Variants in NBAS observed in about 807,000 individuals in gnomAD.
NBAS encodes NBAS subunit of NRZ tethering complex, also known as NAG/BC035112 fusion.
NBAS carries 219 observed loss-of-function variants against 302.5 expected under a neutral mutation model. That is an observed-to-expected ratio of 0.72 (90% CI 0.65 to 0.81). The LOEUF is 0.81. Ranked by LOEUF, NBAS falls within the 30% of genes least tolerant of loss-of-function variation. NBAS has a pLI of 0.00. For missense variants in NBAS, 2,932 were observed against 2,841.6 expected, an observed-to-expected ratio of 1.03 and a Z score of -0.72; for synonymous variants, 1,118 against 1,021.6, an observed-to-expected ratio of 1.09 and a Z score of -1.80.
intron 44 of NBAS, among the ~76,000 whole-genome samples, chr2:15,259,400 C>T (rs1668752021): frequency 6.6e-6 from 1 of 152,148 alleles, no homozygotes; most frequent in Non-Finnish European, 1.5e-5. Context: ...ACTCCAGTCC[C>T]CGTCAAAATG....
the NBAS span, among the ~76,000 whole-genome samples, chr2:14,812,112 C>A: frequency 3.3e-5 from 5 of 152,180 alleles, no homozygotes; most frequent in Non-Finnish European, 7.3e-5. Flanking sequence ...ACATAGCTGG[C>A]AGTTGGTACT....
chr2:15,544,386 G>C (rs1424771259), intron 6 of NBAS, among the ~76,000 whole-genome samples: 1 of 152,020 alleles, frequency 6.6e-6, no homozygotes, highest in Admixed American at 6.6e-5. Context: ...AGGCGGGAAA[G>C]AGGGAAGCAG....
the NBAS span, among the ~76,000 whole-genome samples, chr2:15,054,421 A>T: frequency 1.3e-5 from 2 of 152,206 alleles, no homozygotes; most frequent in African/African-American, 4.8e-5. Context: ...GGTGATCACA[A>T]CTGCCCACTT....
intron 9 of NBAS, among the ~76,000 whole-genome samples, chr2:15,518,609 T>A (rs552669921): frequency 2.0e-5 from 3 of 152,170 alleles, no homozygotes; most frequent in East Asian, 3.9e-4. Context: ...AAACTTTACT[T>A]CCCCTTAACA....
At chr2:15,131,141 C>T in the NBAS span, among the ~76,000 whole-genome samples, 1 of 152,176 alleles carries the variant, frequency 6.6e-6, no homozygotes, top group Non-Finnish European at 1.5e-5. Flanking sequence ...ATTCACAACT[C>T]TGTGTCAGTG....
chr2:15,417,482 A>T (rs376187883), intron 24 of NBAS, 45 bp downstream of exon 24: 2 of 1,527,316 alleles, frequency 1.3e-6, no homozygotes, highest in Non-Finnish European at 1.8e-6. Flanking sequence ...AAGTGCATAG[A>T]AAATGCTTTA....
At chr2:15,432,223 G>C (rs1677799549) in intron 21 of NBAS, among the ~76,000 whole-genome samples, 1 of 148,790 alleles carries the variant, frequency 6.7e-6, no homozygotes, top group African/African-American at 2.5e-5. Flanking sequence ...CATCTTATTT[G>C]TCTATTTTTC....
At chr2:15,360,881 T>C (rs1673883046) in intron 32 of NBAS, among the ~76,000 whole-genome samples, 2 of 152,134 alleles carry the variant, frequency 1.3e-5, no homozygotes, top group Non-Finnish European at 2.9e-5. Context: ...GAGGCTATTT[T>C]AAAGTTAACT....
chr2:15,127,213 T>C, the NBAS span, among the ~76,000 whole-genome samples: 1 of 152,218 alleles, frequency 6.6e-6, no homozygotes, highest in South Asian at 2.1e-4. Flanking sequence ...ATGGCCTTGC[T>C]CACCCAAGTT....
rs554551011 is a variant in NBAS at position 15,443,989 on chromosome 2, C to G, written c.2340-16195G>C. Among the ~76,000 whole-genome samples, 5 of 151,572 alleles carry G rather than the reference C, an allele frequency of 3.3e-5. No individual in the cohort carries two copies. The South Asian group carries it at 8.4e-4, about 25-fold the overall frequency. ...TCAAGGAGAACTACAAACCACTGCT[C>G]AATGAAATAAAAGAGGATACAAACA... On this transcript the variant is annotated intron_variant, in intron 21 of 51. Transcript: ENST00000281513.
chr2:15,021,868 G>T, the NBAS span, among the ~76,000 whole-genome samples: 1 of 152,184 alleles, frequency 6.6e-6, no homozygotes, highest in Non-Finnish European at 1.5e-5. Context: ...CAGGGAAACT[G>T]GGTCTAAGTC....
chr2:15,046,422 C>T, the NBAS span, among the ~76,000 whole-genome samples: 1 of 152,060 alleles, frequency 6.6e-6, no homozygotes, highest in Non-Finnish European at 1.5e-5. Context: ...ATTGTACACA[C>T]ATAATTATAG....
At chr2:15,504,237 A>AAG (rs768760963) in intron 10 of NBAS, 24 bp from the exon 11 acceptor site, 2 of 1,550,254 alleles carry the variant, frequency 1.3e-6, no homozygotes, top group South Asian at 2.2e-5. Context: ...GCATCATATG[A>AAG]AGAAAGATTA....
At chr2:15,305,961 A>G (rs961291071) in intron 40 of NBAS, among the ~76,000 whole-genome samples, 1 of 152,232 alleles carries the variant, frequency 6.6e-6, no homozygotes, top group Admixed American at 6.5e-5. Flanking sequence ...TGAGAACTCA[A>G]CTGACCTTTA....
the NBAS span, among the ~76,000 whole-genome samples, chr2:14,810,232 G>A: frequency 2.0e-5 from 3 of 152,206 alleles, no homozygotes; most frequent in Non-Finnish European, 4.4e-5. Flanking sequence ...ACATGAGATC[G>A]TGGAGGGGCC....
At chr2:15,022,517 C>A in the NBAS span, among the ~76,000 whole-genome samples, 4 of 152,274 alleles carry the variant, frequency 2.6e-5, no homozygotes, top group South Asian at 6.2e-4. Flanking sequence ...AAACTTTTAA[C>A]ATACCCCCTA....
the NBAS span, among the ~76,000 whole-genome samples, chr2:15,093,836 T>C: frequency 1.3e-5 from 2 of 152,214 alleles, no homozygotes; most frequent in East Asian, 3.8e-4. Flanking sequence ...AGAAAAAGAC[T>C]ATGTTTAAGC....
intron 48 of NBAS, among the ~76,000 whole-genome samples, chr2:15,199,960 G>A (rs1182346436): frequency 6.8e-6 from 1 of 146,068 alleles, no homozygotes; most frequent in African/African-American, 2.6e-5. Context: ...GGAGTGCAGT[G>A]GCATGAATCA....
chr2:15,222,525 C>T (rs1206654790), intron 47 of NBAS, among the ~76,000 whole-genome samples: 1 of 152,208 alleles, frequency 6.6e-6, no homozygotes, highest in East Asian at 1.9e-4. Flanking sequence ...ATAATAATTT[C>T]TGAAGGTTTA....
Sources: allele counts gnomAD v4.1 joint callset (sites outside exome capture counted in the v4.1 genomes callset), GRCh38; gene constraint gnomAD v4.1.1; transcripts MANE v1.5; gene names NCBI Gene and HGNC (gene_info 2026-07-23, HGNC 2026-07-21).